The following GDPD4 variants were observed in gnomAD, a reference collection of about 807,000 sequenced individuals.
GDPD4 encodes the protein glycerophosphodiester phosphodiesterase 6.
Under a neutral mutation model 67.8 loss-of-function variants are expected in GDPD4, and 60 were observed. The observed-to-expected ratio is 0.88, with a 90% CI of 0.72 to 1.10. GDPD4 has a LOEUF of 1.10. Among genes scored for constraint, GDPD4 ranks in the 50% least tolerant of loss-of-function variants. The probability of loss-of-function intolerance (pLI) is 0.00; values close to 1 mark genes in which losing one functional copy is unlikely to be tolerated. For missense variants in GDPD4, 623 were observed against 613.9 expected, an observed-to-expected ratio of 1.01 and a Z score of -0.16; for synonymous variants, 212 against 210.9, an observed-to-expected ratio of 1.00 and a Z score of -0.04.
chr11:77,278,774 C>T (rs1202046172), intron 4 of GDPD4, among the ~76,000 whole-genome samples: 1 of 152,238 alleles, frequency 6.6e-6, no homozygotes, highest in Non-Finnish European at 1.5e-5. Context: ...ATTTCTCACA[C>T]TAAGTGACAC....
At chr11:77,291,734 A>G (rs1591582747) in intron 1 of GDPD4, among the ~76,000 whole-genome samples, 1 of 152,332 alleles carries the variant, frequency 6.6e-6, no homozygotes, top group East Asian at 1.9e-4. Context: ...GAGTTAATAT[A>G]TAATTATTCA....
chr11:77,244,956 G>A (rs1251280710), intron 12 of GDPD4, among the ~76,000 whole-genome samples: 2 of 152,050 alleles, frequency 1.3e-5, no homozygotes, highest in African/African-American at 2.4e-5. Flanking sequence ...TGTTACCCAG[G>A]CTCTTTCTAA....
chr11:77,240,585 T>C (rs1302678726), intron 13 of GDPD4, among the ~76,000 whole-genome samples: 1 of 152,170 alleles, frequency 6.6e-6, no homozygotes, highest in East Asian at 1.9e-4. Context: ...AATGATTTTT[T>C]GGATATGACC....
chr11:77,292,121 C>CAA (rs3051013), intron 1 of GDPD4, among the ~76,000 whole-genome samples: 11,206 of 149,176 alleles, frequency 0.075, 696 homozygotes, highest in East Asian at 0.24. Flanking sequence ...TGCAAAATGA[C>CAA]AAAAAAAAAC....
chr11:77,296,538 TCTTGAACTC>T (rs2135899007), intron 1 of GDPD4, among the ~76,000 whole-genome samples: 1 of 150,880 alleles, frequency 6.6e-6, no homozygotes, highest in African/African-American at 2.4e-5. Context: ...GCCAGGCCGG[TCTTGAACTC>T]CTGACCTCAA....
At chr11:77,293,242 CATACT>C (rs1937840932) in intron 1 of GDPD4, among the ~76,000 whole-genome samples, 1 of 152,192 alleles carries the variant, frequency 6.6e-6, no homozygotes, top group Admixed American at 6.5e-5. Context: ...TACATCAATA[CATACT>C]GACCAAGTGT....
rs562516234 is a variant in GDPD4 at position 77,237,278 on chromosome 11, A to T, written c.1242-4106T>A. On this transcript the variant is annotated intron_variant, in intron 13 of 16. Coordinates refer to ENST00000315938, the MANE Select transcript of GDPD4 (RefSeq NM_182833.3). Reference sequence around the variant, plus strand: ...TCAATGTCTCTCCTTGCTTTGTTTGAGCCTCTTGATTGCCTGCTGTATCCT... The same window carrying T: ...TCAATGTCTCTCCTTGCTTTGTTTGTGCCTCTTGATTGCCTGCTGTATCCT... 3.3e-5 allele frequency among the ~76,000 whole-genome samples: 5 copies of T among 152,328 alleles called. No individual in the cohort carries two copies. The East Asian group carries it at 9.6e-4, about 29-fold the overall frequency.
intron 12 of GDPD4, among the ~76,000 whole-genome samples, chr11:77,244,979 GGT>G (rs1312731599): frequency 1.7e-4 from 26 of 152,072 alleles, no homozygotes; most frequent in African/African-American, 5.6e-4. Context: ...GATCTATGTT[GGT>G]GTGGTGCAGG....
At chr11:77,260,390 G>T (rs147059301) in intron 10 of GDPD4, among the ~76,000 whole-genome samples, 5 of 152,098 alleles carry the variant, frequency 3.3e-5, no homozygotes, top group African/African-American at 1.2e-4. Context: ...CTAAAAAAGA[G>T]CTTAAAAACA....
Position 77,245,362 on chromosome 11 carries a change from A to G in GDPD4, c.1005T>C (p.Pro335=). The change falls in exon 12 of 17, where the codon CCT becomes CCC. Residue 335 remains proline (P), a synonymous_variant. Coordinates refer to ENST00000315938, the MANE Select transcript of GDPD4 (RefSeq NM_182833.3). ...RKFVIFDLHR[P]PPKHPLRHTF... is the part of the protein sequence containing the mutation. ...TGTGTCTGAGAGGATGTTTTGGTGGAGGGCGATGAAGATCAAATATCACAA... is the reference window on the plus strand; with the variant it reads ...TGTGTCTGAGAGGATGTTTTGGTGGGGGGCGATGAAGATCAAATATCACAA... 1 of 1,614,188 alleles carries G rather than the reference A, an allele frequency of 6.2e-7. No homozygotes were observed. The highest frequency in any genetic ancestry group is 8.5e-7 in the Non-Finnish European group (1 of 1,180,030).
intron 1 of GDPD4, among the ~76,000 whole-genome samples, chr11:77,299,659 T>C (rs1352567729): frequency 6.6e-6 from 1 of 152,148 alleles, no homozygotes; most frequent in Non-Finnish European, 1.5e-5. Context: ...TTGGCCTGGG[T>C]ATGTTCTCAT....
rs59408301 is a variant in GDPD4, at chr11:77,298,105, T to TA, written c.-254+3499dup. On this transcript the variant is annotated intron_variant, in intron 1 of 16. Transcript: ENST00000315938. ...GTTTTTTGTTGTTGTTTCGTTTTTT[T>TA]AAAAAAAAAAAGATTGAAATAAAAA... Among the ~76,000 whole-genome samples, 988 of 150,448 alleles carry TA rather than the reference T, an allele frequency of 6.6e-3. 7 individuals carry two copies. The highest frequency in any genetic ancestry group is 9.8e-3 in the Non-Finnish European group (659 of 67,422).
intron 13 of GDPD4, among the ~76,000 whole-genome samples, chr11:77,237,380 AT>A (rs1958587926): frequency 1.3e-5 from 2 of 152,314 alleles, no homozygotes; most frequent in East Asian, 3.9e-4. Context: ...AATCCTTTGT[AT>A]TAGCTCAACA....
intron 12 of GDPD4, among the ~76,000 whole-genome samples, chr11:77,244,109 G>A (rs1279701304): frequency 3.9e-5 from 6 of 152,280 alleles, no homozygotes; most frequent in East Asian, 1.9e-4. Context: ...TCCGCCACCC[G>A]GGTTCATACC....
intron 13 of GDPD4, among the ~76,000 whole-genome samples, chr11:77,236,028 C>T (rs1169067901): frequency 7.0e-6 from 1 of 143,096 alleles, no homozygotes; most frequent in Non-Finnish European, 1.5e-5. Flanking sequence ...AAATGATTAA[C>T]TAAAAAATAA....
Position 77,279,397 on chromosome 11 carries a change from A to G in GDPD4, c.56T>C (p.Val19Ala), listed in dbSNP as rs979416851. 1.9e-6 allele frequency: 3 copies of G among 1,598,022 alleles called. No individual in the cohort carries two copies. The African/African-American group carries it at 4.0e-5, about 21-fold the overall frequency. ...CCAGTATCCTGTTCCTAGAAAAGTG[A>G]CCCTGAAAAAAAATGTGTTTCAGTT... is the stretch of plus-strand genomic sequence containing the variant. ...TSSEYFNFDW[V>A]TFLGTGYWFF... is the part of the protein sequence containing the mutation. Residue 19 changes from valine (V) to alanine (A), a missense_variant and splice_region_variant, in exon 4 of 17, where the codon GTC becomes GCC. Coordinates refer to ENST00000315938, the MANE Select transcript of GDPD4 (RefSeq NM_182833.3).
chr11:77,267,132 T>C (rs11237156), intron 10 of GDPD4, among the ~76,000 whole-genome samples: 39 of 152,318 alleles, frequency 2.6e-4, no homozygotes, highest in African/African-American at 8.9e-4. Context: ...TTGGATATAT[T>C]TAGATACAGA....
Position 77,245,371 on chromosome 11 carries a change from AAGATC to A in GDPD4, c.991_995del (p.Asp331SerfsTer25), listed in dbSNP as rs1459197462. The A allele has an allele frequency of 6.2e-7, 1 of 1,614,196 alleles. No individual in the cohort carries two copies. Among genetic ancestry groups the A allele is most frequent in the African/African-American group, 1.3e-5 (1 of 75,062 alleles). On this transcript the variant is annotated frameshift_variant, in exon 12 of 17. Coordinates refer to ENST00000315938, the MANE Select transcript of GDPD4 (RefSeq NM_182833.3). LOFTEE classifies it high-confidence loss of function. ...GAGGATGTTTTGGTGGAGGGCGATG[AAGATC>A]AAATATCACAAATTTTCTTTCCTTC...
chr11:77,276,902 T>C (rs186152385), intron 4 of GDPD4, among the ~76,000 whole-genome samples: 1 of 152,112 alleles, frequency 6.6e-6, no homozygotes, highest in East Asian at 1.9e-4. Context: ...TATTAAATAT[T>C]ATCATTCTTA....
Sources: gnomAD v4.1 joint callset for allele counts (sites outside exome capture counted in the v4.1 genomes callset) on GRCh38, gnomAD v4.1.1 for gene constraint, MANE v1.5 for transcripts, NCBI Gene and HGNC (gene_info 2026-07-23, HGNC 2026-07-21) for gene names.